USP3: variants seen among roughly 807,000 people sequenced by gnomAD.
USP3 encodes ubiquitin specific peptidase 3.
USP3 carries 20 observed loss-of-function variants against 72.3 expected under a neutral mutation model. That is an observed-to-expected ratio of 0.28 (90% CI 0.19 to 0.40). The LOEUF is 0.40. Ranked by LOEUF, USP3 falls within the 10% of genes least tolerant of loss-of-function variation. USP3 has a pLI of 1.00. For synonymous variants in USP3, 222 were observed against 225.3 expected, an observed-to-expected ratio of 0.99 and a Z score of 0.13; for missense variants, 479 against 633.9, an observed-to-expected ratio of 0.76 and a Z score of 2.62.
intron 1 of USP3, among the ~76,000 whole-genome samples, chr15:63,522,352 A>G (rs1240254932): frequency 6.6e-6 from 1 of 152,242 alleles, no homozygotes; most frequent in African/African-American, 2.4e-5. Flanking sequence ...CCCTCAGCCT[A>G]GAGGTGGCTG....
chr15:63,511,817 A>G (rs1479855697), intron 1 of USP3, among the ~76,000 whole-genome samples: 1 of 152,166 alleles, frequency 6.6e-6, no homozygotes. Context: ...CTGGTAGCTC[A>G]GAGATTATTT....
At chr15:63,562,395 G>T (rs762277988) in intron 7 of USP3, among the ~76,000 whole-genome samples, 1 of 152,110 alleles carries the variant, frequency 6.6e-6, no homozygotes, top group Non-Finnish European at 1.5e-5. Context: ...AACTGGAGAA[G>T]TTTAAATAAA....
chr15:63,527,120 C>G (rs192146085), intron 1 of USP3, among the ~76,000 whole-genome samples: 1 of 152,190 alleles, frequency 6.6e-6, no homozygotes, highest in Non-Finnish European at 1.5e-5. Flanking sequence ...TGGTCTTGAA[C>G]TCCTGGGCTC....
In USP3 at chr15:63,553,962, C is replaced by A. The variant is rs1249643544; in HGVS notation, c.368+164C>A. ...TTGGCTTTGGATAGCTAAAACTTGG[C>A]CCATAGTTAATGGTCATAGCTGTGC... On this transcript the variant is annotated intron_variant, in intron 4 of 14. Transcript: ENST00000380324. The surrounding 1 kb of genome is among the most constrained non-coding windows in gnomAD (Gnocchi z 4.2). Among the ~76,000 whole-genome samples the A allele has an allele frequency of 3.3e-5, 5 of 152,042 alleles. No homozygotes were observed. The highest frequency in any genetic ancestry group is 7.4e-5 in the Non-Finnish European group (5 of 68,004).
At chr15:63,545,239 T>TA (rs1227613280) in intron 3 of USP3, among the ~76,000 whole-genome samples, 2 of 152,328 alleles carry the variant, frequency 1.3e-5, no homozygotes, top group Admixed American at 1.3e-4. Flanking sequence ...TTGTGTTTCT[T>TA]ATGAAAATTT....
chr15:63,567,548 G>A (rs1253897741), intron 8 of USP3, among the ~76,000 whole-genome samples: 4 of 151,762 alleles, frequency 2.6e-5, no homozygotes, highest in East Asian at 3.9e-4. Context: ...GGGTTTCACC[G>A]TGTTAGCCAG....
chr15:63,578,690 A>G lies in USP3; in HGVS notation c.1096+4287A>G, dbSNP rs76167424. 1.8e-3 allele frequency among the ~76,000 whole-genome samples: 269 copies of G among 152,258 alleles called. 3 individuals carry two copies. The East Asian group carries it at 0.023, about 13-fold the overall frequency. On this transcript the variant is annotated intron_variant, in intron 11 of 14. Coordinates refer to ENST00000380324, the MANE Select transcript of USP3 (RefSeq NM_006537.4). ...TATTCATTAAAAGCTATCAGTGATC[A>G]TCATAGTTAATGGTGAAGCACTGAT...
Position 63,544,423 on chromosome 15 carries a change from G to T in USP3, c.284+7267G>T. On this transcript the variant is annotated intron_variant, in intron 3 of 14. Coordinates refer to ENST00000380324, the MANE Select transcript of USP3 (RefSeq NM_006537.4). This position sits in a 1 kb window ranked among gnomAD's most constrained non-coding sequence, Gnocchi z 4.2. The stretch of plus-strand genomic sequence containing the variant: ...CTTTATTAACCAAAACTAGTGAAAG[G>T]GGAAGTAGCTGGATTTCAATCCAAA... 1 of 407,890 alleles carries T rather than the reference G, an allele frequency of 2.5e-6. No individual in the cohort carries two copies. The highest frequency in any genetic ancestry group is 4.4e-6 in the Non-Finnish European group (1 of 227,564). The allele number at this position is 407,890 out of a possible 1,614,324, so 25.3% of individuals were successfully genotyped here. A position where few individuals can be genotyped will look rare whatever the true frequency, so the allele number is the denominator to read the frequency against.
Position 63,558,089 on chromosome 15 carries a change from TC to T in USP3, c.451-16del. 1 of 1,614,166 alleles carries T rather than the reference TC, an allele frequency of 6.2e-7. No individual in the cohort carries two copies. Reference sequence around the variant, plus strand: ...TCCCTTGGCATTACTGATGGCCTCTTCTTGCACCACTTACAGGGAAGCACCA... The same window carrying T: ...TCCCTTGGCATTACTGATGGCCTCTTTTGCACCACTTACAGGGAAGCACCA... On this transcript the variant is annotated splice_polypyrimidine_tract_variant and intron_variant, in intron 5 of 14. Coordinates refer to ENST00000380324, the MANE Select transcript of USP3 (RefSeq NM_006537.4).
In USP3 at chr15:63,576,026, G is replaced by A. The variant is rs528572876; in HGVS notation, c.1096+1623G>A. On this transcript the variant is annotated intron_variant, in intron 11 of 14. Coordinates refer to ENST00000380324, the MANE Select transcript of USP3 (RefSeq NM_006537.4). ...TTTTGAGACCGAGTCTTGCTCTGTC[G>A]CCCAGGCTGGAGTGCAGTGGCGCGA... 3.6e-4 allele frequency among the ~76,000 whole-genome samples: 48 copies of A among 134,796 alleles called. 1 individual carries two copies. Among genetic ancestry groups the A allele is most frequent in the Non-Finnish European group, 5.5e-4 (36 of 65,260 alleles). The allele number at this position is 134,796 out of a possible 152,430, so 88.4% of individuals were successfully genotyped here.
At chr15:63,578,169 G>A (rs774904355) in intron 11 of USP3, among the ~76,000 whole-genome samples, 2 of 152,004 alleles carry the variant, frequency 1.3e-5, no homozygotes, top group South Asian at 2.1e-4. Flanking sequence ...CCAGCTCCTC[G>A]GGAGGCCAAG....
chr15:63,511,985 CT>C (rs1426676645), intron 1 of USP3, among the ~76,000 whole-genome samples: 11 of 121,814 alleles, frequency 9.0e-5, no homozygotes, highest in Non-Finnish European at 1.8e-4. Flanking sequence ...GAGATGGAGT[CT>C]CACCCTGTTC....
intron 3 of USP3, among the ~76,000 whole-genome samples, chr15:63,538,237 T>C (rs777207437): frequency 7.2e-5 from 11 of 152,188 alleles, no homozygotes; most frequent in Non-Finnish European, 1.5e-4. Flanking sequence ...ACTAGTAAAT[T>C]ATGATGAACA....
chr15:63,570,616 T>G lies in USP3; in HGVS notation c.908+37T>G. On this transcript the variant is annotated intron_variant, in intron 9 of 14. Coordinates refer to ENST00000380324, the MANE Select transcript of USP3 (RefSeq NM_006537.4). The surrounding 1 kb of genome is among the most constrained non-coding windows in gnomAD (Gnocchi z 4.4). ...TTGCCTTCTGTTTTTTAGGAGGGCC[T>G]CAGACATTTCTTTTGGTGTTAATTA... The G allele has an allele frequency of 1.9e-6, 3 of 1,573,750 alleles. No individual in the cohort carries two copies. The highest frequency in any genetic ancestry group is 2.6e-6 in the Non-Finnish European group (3 of 1,160,872).
chr15:63,581,181 T>C (rs1352957541), intron 11 of USP3, among the ~76,000 whole-genome samples: 2 of 152,196 alleles, frequency 1.3e-5, no homozygotes, highest in East Asian at 1.9e-4. Context: ...CTCATGCTGC[T>C]GCAAAATATT....
intron 11 of USP3, among the ~76,000 whole-genome samples, chr15:63,583,440 GGAA>G (rs1359388967): frequency 6.6e-6 from 1 of 152,138 alleles, no homozygotes; most frequent in African/African-American, 2.4e-5. Context: ...GCATGACAGA[GGAA>G]GAAGACCTTG....
chr15:63,544,513 A>G lies in USP3; in HGVS notation c.284+7357A>G. 2 of 566,550 alleles carry G rather than the reference A, an allele frequency of 3.5e-6. No individual in the cohort carries two copies. The highest frequency in any genetic ancestry group is 6.2e-6 in the Non-Finnish European group (2 of 321,944). The allele number at this position is 566,550 out of a possible 1,614,324, so 35.1% of individuals were successfully genotyped here. The stretch of plus-strand genomic sequence containing the variant: ...TAGAATTAGAGGGGGCAAGTAGTGC[A>G]GGGCAAAAACAGGAAGGAAACGAGT... On this transcript the variant is annotated intron_variant, in intron 3 of 14. Coordinates refer to ENST00000380324, the MANE Select transcript of USP3 (RefSeq NM_006537.4). The surrounding 1 kb of genome is among the most constrained non-coding windows in gnomAD (Gnocchi z 4.2).
Position 63,528,867 on chromosome 15 carries a change from T to C in USP3, c.92-3780T>C, listed in dbSNP as rs1046600871. On this transcript the variant is annotated intron_variant, in intron 1 of 14. Coordinates refer to ENST00000380324, the MANE Select transcript of USP3 (RefSeq NM_006537.4). The surrounding 1 kb of genome is among the most constrained non-coding windows in gnomAD (Gnocchi z 4.3). ...GAGAGTTTAATTTAAAGCCAGTGTTTTTCAGTCTATTTTATATTTGTCCTG... is the reference window on the plus strand; with the variant it reads ...GAGAGTTTAATTTAAAGCCAGTGTTCTTCAGTCTATTTTATATTTGTCCTG... 3.5e-5 allele frequency: 14 copies of C among 399,200 alleles called. No homozygotes were observed. The Admixed American group carries it at 6.3e-4, about 18-fold the overall frequency. 24.7% of individuals were successfully genotyped at this position (399,200 alleles called of 1,614,324 possible).
chr15:63,561,688 G>A (rs1431766721), intron 7 of USP3, among the ~76,000 whole-genome samples: 1 of 152,244 alleles, frequency 6.6e-6, no homozygotes, highest in East Asian at 1.9e-4. Flanking sequence ...GAGAAGGCGA[G>A]TGTCTGGCTG....
Sources: allele counts gnomAD v4.1 joint callset (sites outside exome capture counted in the v4.1 genomes callset), GRCh38; gene constraint gnomAD v4.1.1; non-coding constraint Gnocchi (gnomAD v3.1); transcripts MANE v1.5; gene names NCBI Gene and HGNC (gene_info 2026-07-23, HGNC 2026-07-21).